KTN1: variants seen among roughly 807,000 people sequenced by gnomAD.
The protein encoded by KTN1 is kinectin 1.
A neutral mutation model predicts 222.5 loss-of-function variants in KTN1; 130 were observed. That is an observed-to-expected ratio of 0.58 (90% confidence interval 0.51 to 0.68). The LOEUF (loss-of-function observed/expected upper bound fraction) is 0.68. Ranked by LOEUF, KTN1 falls within the 30% of genes least tolerant of loss-of-function variation. The pLI is 0.00. For synonymous variants in KTN1, 512 were observed against 496.3 expected, an observed-to-expected ratio of 1.03 and a Z score of -0.42; for missense variants, 1,508 against 1,500.4, an observed-to-expected ratio of 1.01 and a Z score of -0.08.
At chr14:55,592,914 T>A (rs2034382970) in intron 1 of KTN1, among the ~76,000 whole-genome samples, 1 of 152,230 alleles carries the variant, frequency 6.6e-6, no homozygotes, top group Non-Finnish European at 1.5e-5. Context: ...TCTTTTATTT[T>A]CACTTTTCTC....
At chr14:55,610,226 A>T (rs939975873) in intron 1 of KTN1, among the ~76,000 whole-genome samples, 19 of 152,142 alleles carry the variant, frequency 1.2e-4, no homozygotes, top group Non-Finnish European at 8.8e-5. Flanking sequence ...TGGCTTCAGG[A>T]CCCCTGTGTA....
Position 55,659,685 on chromosome 14 carries a change from A to C in KTN1, c.2981A>C (p.His994Pro), listed in dbSNP as rs756887758. 6.7e-7 allele frequency: 1 copy of C among 1,498,838 alleles called. No individual in the cohort carries two copies. Among genetic ancestry groups the C allele is most frequent in the South Asian group, 1.1e-5 (1 of 88,336 alleles). The allele number at this position is 1,498,838 out of a possible 1,614,324, so 92.8% of individuals were successfully genotyped here. ...TGATAGGCATCTTCTTTTCCCCCTCATGAAGAATTATTAAAAGTGTAAGTA... is the reference window on the plus strand; with the variant it reads ...TGATAGGCATCTTCTTTTCCCCCTCCTGAAGAATTATTAAAAGTGTAAGTA... Reference protein sequence around the residue: ...NYQQASSFPPHEELLKVISER... With the variant: ...NYQQASSFPPPEELLKVISER... The change falls in exon 31 of 44, where the codon CAT (histidine) becomes CCT (proline). Residue 994 changes from histidine (H) to proline (P), a missense_variant. Physicochemically the swap from His to Pro is moderately conservative, Grantham distance 77. Coordinates refer to ENST00000395314, the MANE Select transcript of KTN1 (RefSeq NM_001079521.2).
chr14:55,629,925 C>G (rs1332664314), intron 6 of KTN1, 32 bp from the exon 7 acceptor site: 1 of 1,397,538 alleles, frequency 7.2e-7, no homozygotes, highest in African/African-American at 1.4e-5. Context: ...TATTAAATAA[C>G]AAGTTTTTAA....
intron 1 of KTN1, among the ~76,000 whole-genome samples, chr14:55,598,464 C>CTCAA (rs1161484925): frequency 1.3e-5 from 2 of 151,054 alleles, no homozygotes; most frequent in African/African-American, 2.4e-5. Context: ...ATATTGGTTC[C>CTCAA]TCAATCAGTC....
rs1358398327 is a variant in KTN1, at chr14:55,581,924, G to GT, written c.-31+1573dup. ...TTTTTTCCTTTTTCCTTTTTTTTTA[G>GT]TTTAAGGATCTAACCTGAAATAGCT... On this transcript the variant is annotated intron_variant, in intron 1 of 43. Transcript: ENST00000395314. Among the ~76,000 whole-genome samples, 7 of 144,522 alleles carry GT rather than the reference G, an allele frequency of 4.8e-5. No individual in the cohort carries two copies. In the East Asian group the frequency reaches 1.4e-3, roughly 29 times the overall value. The allele number at this position is 144,522 out of a possible 152,430, so 94.8% of individuals were successfully genotyped here. A position where few individuals can be genotyped will look rare whatever the true frequency, so the allele number is the denominator to read the frequency against.
At chr14:55,584,927 G>A (rs2032631737) in intron 1 of KTN1, among the ~76,000 whole-genome samples, 1 of 152,068 alleles carries the variant, frequency 6.6e-6, no homozygotes, top group South Asian at 2.1e-4. Context: ...GAGCCCAGCA[G>A]TTTGGGACCA....
At chr14:55,605,855 G>A (rs1490964780) in intron 1 of KTN1, among the ~76,000 whole-genome samples, 1 of 152,012 alleles carries the variant, frequency 6.6e-6, no homozygotes, top group Admixed American at 6.6e-5. Flanking sequence ...TTGCAGAATG[G>A]AAATCTAATT....
chr14:55,632,512 G>A (rs2040644291), intron 7 of KTN1, among the ~76,000 whole-genome samples: 1 of 152,114 alleles, frequency 6.6e-6, no homozygotes, highest in Non-Finnish European at 1.5e-5. Context: ...AAGTTAGAGT[G>A]GTGGTCGCCA....
intron 9 of KTN1, among the ~76,000 whole-genome samples, chr14:55,635,778 C>T (rs1028916090): frequency 6.6e-6 from 1 of 152,108 alleles, no homozygotes; most frequent in Admixed American, 6.5e-5. Context: ...TAGATTCCTA[C>T]CTAGGTCATT....
intron 15 of KTN1, 144 bp from the exon 16 acceptor site, chr14:55,640,789 C>G: frequency 1.5e-6 from 1 of 679,502 alleles, no homozygotes; most frequent in Non-Finnish European, 2.5e-6. Context: ...TATCGAACAG[C>G]AAAACATGTT....
Position 55,634,669 on chromosome 14 carries a change from C to T in KTN1, c.1461+11C>T. On this transcript the variant is annotated intron_variant, in intron 9 of 43. Transcript: ENST00000395314. ...GCTACTCAGTTGAAGGTGATATATT[C>T]TCACCTTTATTTGTCATTTCATGAA... 6.2e-7 allele frequency: 1 copy of T among 1,601,098 alleles called. No individual in the cohort carries two copies. Among genetic ancestry groups the T allele is most frequent in the Middle Eastern group, 1.7e-4 (1 of 5,986 alleles).
In KTN1 at chr14:55,616,604, G is replaced by C; in HGVS notation, c.611G>C (p.Ser204Thr). The change falls in exon 3 of 44, where the codon AGT becomes ACT. Residue 204 changes from serine to threonine, a missense_variant. Transcript: ENST00000395314. ...CTCCACCAAGAGACTAAACAAGAAA[G>C]TGGATCAGGGAAGAAGAAAGCTTCA... ...LPLHQETKQE[S>T]GSGKKKASSK... 1 of 1,608,210 alleles carries C rather than the reference G, an allele frequency of 6.2e-7. No homozygotes were observed. Among genetic ancestry groups the C allele is most frequent in the East Asian group, 2.2e-5 (1 of 44,760 alleles).
intron 1 of KTN1, among the ~76,000 whole-genome samples, chr14:55,605,147 C>G (rs776877709): frequency 3.9e-5 from 6 of 152,148 alleles, no homozygotes; most frequent in Non-Finnish European, 5.9e-5. Context: ...GTTGCGTTTT[C>G]TTATTAGTTG....
chr14:55,654,537 C>G (rs1378353857), intron 28 of KTN1, among the ~76,000 whole-genome samples: 9 of 122,306 alleles, frequency 7.4e-5, no homozygotes, highest in South Asian at 5.4e-4. Context: ...TTCTGCCTTA[C>G]ATTTTTTTTT....
chr14:55,655,937 T>A (rs2043422415), intron 28 of KTN1, 105 bp from the exon 29 acceptor site: 2 of 565,354 alleles, frequency 3.5e-6, no homozygotes, highest in East Asian at 3.1e-5. Flanking sequence ...GAAAAAAAGC[T>A]GGTATGTATT....
At chr14:55,672,056 C>A in intron 37 of KTN1, 179 bp downstream of exon 37, 1 of 539,566 alleles carries the variant, frequency 1.9e-6, no homozygotes, top group Non-Finnish European at 3.3e-6. Context: ...AATGCCCACC[C>A]AAGTTTGAAA....
intron 7 of KTN1, among the ~76,000 whole-genome samples, chr14:55,631,928 T>A (rs991407026): frequency 1.3e-5 from 2 of 152,044 alleles, no homozygotes; most frequent in Admixed American, 1.3e-4. Flanking sequence ...GGTACCAGAT[T>A]TTTTTTTGGT....
intron 17 of KTN1, 22 bp from the exon 18 acceptor site, chr14:55,641,669 TA>T: frequency 6.8e-7 from 1 of 1,462,104 alleles, no homozygotes; most frequent in Non-Finnish European, 9.6e-7. Context: ...AATAAAACAG[TA>T]AATTGAGACT....
At chr14:55,597,063 GAAAA>G (rs150001039) in intron 1 of KTN1, among the ~76,000 whole-genome samples, 2 of 147,542 alleles carry the variant, frequency 1.4e-5, no homozygotes, top group South Asian at 4.3e-4. Flanking sequence ...GGATTATTTT[GAAAA>G]AAAAAATCCA....
Sources: gnomAD v4.1 joint callset for allele counts (sites outside exome capture counted in the v4.1 genomes callset) on GRCh38, gnomAD v4.1.1 for gene constraint, MANE v1.5 for transcripts, NCBI Gene and HGNC (gene_info 2026-07-23, HGNC 2026-07-21) for gene names.